Variants in GALM observed in about 807,000 individuals in gnomAD.
The protein encoded by GALM is galactose mutarotase.
GALM carries 43 observed loss-of-function variants against 37.4 expected under a neutral mutation model. That is an observed-to-expected ratio of 1.15 (90% CI 0.90 to 1.48). The LOEUF (loss-of-function observed/expected upper bound fraction) is 1.48, where lower values mean the gene tolerates loss of function less well. Among genes scored for constraint, GALM ranks in the 40% most tolerant of loss-of-function variants. GALM has a pLI of 0.00. For missense variants in GALM, 456 were observed against 419.1 expected (o/e 1.09, Z -0.77); for synonymous variants, 199 against 170.6 (o/e 1.17, Z -1.30).
chr2:38,731,762 A>G lies in GALM; in HGVS notation c.804A>G (p.Val268=). The stretch of plus-strand genomic sequence containing the variant: ...TGCATCATGCTGCAAGCGGGCGGGT[A>G]CTAGAAGTATACACCACCCAGCCCG... ...ARVHHAASGR[V]LEVYTTQPGV... is the part of the protein sequence containing the mutation. The change falls in exon 6 of 7, where the codon GTA becomes GTG. Residue 268 remains valine (V), a synonymous_variant. Coordinates refer to ENST00000272252, the MANE Select transcript of GALM (RefSeq NM_138801.3). 6.2e-7 allele frequency: 1 copy of G among 1,613,924 alleles called. No homozygotes were observed. The highest frequency in any genetic ancestry group is 8.5e-7 in the Non-Finnish European group (1 of 1,179,880).
intron 4 of GALM, among the ~76,000 whole-genome samples, chr2:38,698,013 G>T (rs11896593): frequency 6.6e-6 from 1 of 151,238 alleles, no homozygotes; most frequent in African/African-American, 2.4e-5. Flanking sequence ...GTGCAGTCTC[G>T]GCCCACTGCA....
At chr2:38,697,252 C>T (rs919069044) in intron 4 of GALM, among the ~76,000 whole-genome samples, 3 of 152,044 alleles carry the variant, frequency 2.0e-5, no homozygotes, top group Non-Finnish European at 4.4e-5. Flanking sequence ...TCGGATTGTG[C>T]GTGGGTTTGT....
At chr2:38,711,318 C>A (rs1666151320) in intron 4 of GALM, among the ~76,000 whole-genome samples, 1 of 152,140 alleles carries the variant, frequency 6.6e-6, no homozygotes, top group Non-Finnish European at 1.5e-5. Flanking sequence ...CACCACCACA[C>A]CTGGCTAATT....
intron 4 of GALM, among the ~76,000 whole-genome samples, chr2:38,724,786 T>C (rs1404181313): frequency 6.6e-6 from 1 of 152,232 alleles, no homozygotes; most frequent in Non-Finnish European, 1.5e-5. Flanking sequence ...TATATATTTA[T>C]TTATGCCAGA....
At chr2:38,666,619 A>T (rs865876483) in intron 1 of GALM, among the ~76,000 whole-genome samples, 4 of 152,354 alleles carry the variant, frequency 2.6e-5, no homozygotes, top group Middle Eastern at 6.8e-3. Flanking sequence ...TGATGGTATG[A>T]TACACTTCAG....
chr2:38,713,288 A>G (rs542829024), intron 4 of GALM, among the ~76,000 whole-genome samples: 1 of 152,326 alleles, frequency 6.6e-6, no homozygotes, highest in African/African-American at 2.4e-5. Flanking sequence ...TGGTGTGGTC[A>G]GGCAGAAGGG....
chr2:38,678,380 G>A (rs914510937), intron 2 of GALM, among the ~76,000 whole-genome samples: 19 of 152,104 alleles, frequency 1.2e-4, no homozygotes, highest in Non-Finnish European at 2.9e-5. Context: ...TAGAGCTGCA[G>A]AGTTTCTGGA....
At chr2:38,730,034 G>A (rs906439281) in intron 5 of GALM, among the ~76,000 whole-genome samples, 2 of 152,036 alleles carry the variant, frequency 1.3e-5, no homozygotes, top group Non-Finnish European at 2.9e-5. Flanking sequence ...GTGCTTTCTC[G>A]ATCTGTGACT....
intron 4 of GALM, chr2:38,698,419 C>T (rs1665853054): frequency 7.7e-7 from 1 of 1,302,904 alleles, no homozygotes; most frequent in South Asian, 1.2e-5. Flanking sequence ...ACCCATGGAC[C>T]AGGAGCAAAG....
At chr2:38,668,088 A>T (rs1055375400) in intron 1 of GALM, 4 of 152,236 alleles carry the variant, frequency 2.6e-5, no homozygotes, top group African/African-American at 7.2e-5. Context: ...GGACCTAAGC[A>T]TAGAAATGGA....
At chr2:38,671,062 C>G (rs556282177) in intron 1 of GALM, among the ~76,000 whole-genome samples, 2 of 147,764 alleles carry the variant, frequency 1.4e-5, no homozygotes, top group African/African-American at 5.1e-5. Flanking sequence ...AATTTATTCT[C>G]GCCAGTGCCT....
chr2:38,721,796 G>A (rs1217495901), intron 4 of GALM, among the ~76,000 whole-genome samples: 10 of 152,166 alleles, frequency 6.6e-5, no homozygotes, highest in South Asian at 2.1e-4. Context: ...GATTACAGGC[G>A]TGAGCCACCG....
intron 5 of GALM, among the ~76,000 whole-genome samples, chr2:38,730,814 A>G (rs1666592072): frequency 6.6e-6 from 1 of 151,768 alleles, no homozygotes; most frequent in African/African-American, 2.4e-5. Context: ...TCAGCTACTC[A>G]GGAGGCTGAG....
At position 38,697,456 on chromosome 2, in the gene GALM, T is replaced by G. The variant is rs141804819; in HGVS notation, c.634+7562T>G. 9.1e-3 allele frequency among the ~76,000 whole-genome samples: 1,390 copies of G among 152,332 alleles called. 23 individuals are homozygous for G. Among genetic ancestry groups the G allele is most frequent in the African/African-American group, 0.032 (1,325 of 41,588 alleles). ...TTATACTTATATGTTTTTCAACTCC[T>G]TATTTTTGTTTTCTCTTTATAAAAG... On this transcript the variant is annotated intron_variant, in intron 4 of 6. Coordinates refer to ENST00000272252, the MANE Select transcript of GALM (RefSeq NM_138801.3).
intron 4 of GALM, among the ~76,000 whole-genome samples, chr2:38,716,852 T>G (rs549331087): frequency 5.9e-5 from 9 of 152,052 alleles, no homozygotes; most frequent in Non-Finnish European, 1.2e-4. Flanking sequence ...AGACCCTGAC[T>G]CTAAAAAACA....
chr2:38,675,541 TTTTGTGTGTG>T (rs1310469499), intron 1 of GALM, among the ~76,000 whole-genome samples: 14 of 65,574 alleles, frequency 2.1e-4, no homozygotes, highest in African/African-American at 5.4e-4. Flanking sequence ...TTTTTTTTTT[TTTTGTGTGTG>T]TGTGTGTGTG....
intron 2 of GALM, among the ~76,000 whole-genome samples, chr2:38,677,438 C>T (rs1558578627): frequency 1.3e-5 from 2 of 152,164 alleles, no homozygotes; most frequent in African/African-American, 2.4e-5. Flanking sequence ...TTTCCCTTTC[C>T]TCAGTGATGG....
At chr2:38,685,383 C>G (rs1223046567) in intron 3 of GALM, among the ~76,000 whole-genome samples, 1 of 152,176 alleles carries the variant, frequency 6.6e-6, no homozygotes, top group East Asian at 1.9e-4. Flanking sequence ...GGGTAGTAAC[C>G]CACAGTGTCT....
chr2:38,694,441 C>A (rs1665754174), intron 4 of GALM, among the ~76,000 whole-genome samples: 1 of 151,678 alleles, frequency 6.6e-6, no homozygotes, highest in South Asian at 2.1e-4. Flanking sequence ...TTTATTTCTA[C>A]TTTTCTGCAA....
Sources: gnomAD v4.1 joint callset for allele counts (sites outside exome capture counted in the v4.1 genomes callset) on GRCh38, gnomAD v4.1.1 for gene constraint, MANE v1.5 for transcripts, NCBI Gene and HGNC (gene_info 2026-07-23, HGNC 2026-07-21) for gene names.